USP42: variants seen among roughly 807,000 people sequenced by gnomAD.
The protein encoded by USP42 is ubiquitin specific peptidase 42.
A neutral mutation model predicts 113.0 loss-of-function variants in USP42; 23 were observed. The ratio of observed to expected loss-of-function variants is 0.20; its 90% CI spans 0.15 to 0.29. The LOEUF (loss-of-function observed/expected upper bound fraction) is 0.29, where lower values mean the gene tolerates loss of function less well. Ranked by LOEUF, USP42 falls within the 10% of genes least tolerant of loss-of-function variation. USP42 has a pLI of 1.00. For missense variants in USP42, 2,174 were observed against 1,779.8 expected, an observed-to-expected ratio of 1.22 and a Z score of -3.99; for synonymous variants, 933 against 699.0, an observed-to-expected ratio of 1.33 and a Z score of -5.28.
the USP42 span, among the ~76,000 whole-genome samples, chr7:6,092,038 C>CTTCTTCTTCTTCTTCT: frequency 9.6e-6 from 1 of 103,772 alleles, no homozygotes; most frequent in African/African-American, 3.6e-5. Context: ...TCTTCTTCTT[C>CTTCTTCTTCTTCTTCT]TTCTTCTTCT....
chr7:6,134,113 G>A (rs920378130), intron 3 of USP42, among the ~76,000 whole-genome samples: 1 of 151,864 alleles, frequency 6.6e-6, no homozygotes, highest in Non-Finnish European at 1.5e-5. Context: ...GGATCGTCTC[G>A]ATCTCCTGAC....
At chr7:6,104,689 C>T (rs2128471099), upstream of USP42, among the ~76,000 whole-genome samples, 1 of 152,312 alleles carries the variant, frequency 6.6e-6, no homozygotes, top group Admixed American at 6.5e-5. Flanking sequence ...ACCAGCCCAG[C>T]CAATCAGCGC....
intron 3 of USP42, among the ~76,000 whole-genome samples, chr7:6,123,636 C>A (rs1780360193): frequency 6.6e-6 from 1 of 151,878 alleles, no homozygotes; most frequent in Admixed American, 6.6e-5. Context: ...GCACTCCAGC[C>A]TGGGCGACAG....
In USP42 at chr7:6,157,150, T is replaced by C; in HGVS notation, c.3943+95T>C. 2.8e-6 allele frequency: 4 copies of C among 1,446,642 alleles called. No homozygotes were observed. Among genetic ancestry groups the C allele is most frequent in the Non-Finnish European group, 2.7e-6 (3 of 1,105,980 alleles). 89.6% of individuals were successfully genotyped at this position (1,446,642 alleles called of 1,614,324 possible). A position where few individuals can be genotyped will look rare whatever the true frequency, so the allele number is the denominator to read the frequency against. On this transcript the variant is annotated intron_variant, in intron 16 of 17. Coordinates refer to ENST00000306177, the MANE Select transcript of USP42 (RefSeq NM_032172.3). The surrounding 1 kb of genome is among the most constrained non-coding windows in gnomAD (Gnocchi z 4.1). ...TAACATGTAGAAAGAAAACCTCAGG[T>C]GGCATCAAAGGGCACAGTTACTCAG...
intron 3 of USP42, among the ~76,000 whole-genome samples, chr7:6,130,143 G>T (rs1195302186): frequency 6.6e-6 from 1 of 152,058 alleles, no homozygotes; most frequent in Non-Finnish European, 1.5e-5. Flanking sequence ...GAGCCCCCGC[G>T]CCTGGCCATG....
intron 3 of USP42, among the ~76,000 whole-genome samples, chr7:6,131,396 C>CT (rs944321431): frequency 2.0e-5 from 3 of 151,926 alleles, no homozygotes; most frequent in African/African-American, 7.3e-5. Flanking sequence ...TCACCTGAGC[C>CT]TTGGGAGGTA....
chr7:6,141,198 TTTC>T (rs1781410831), intron 7 of USP42, among the ~76,000 whole-genome samples: 1 of 150,152 alleles, frequency 6.7e-6, no homozygotes, highest in Non-Finnish European at 1.5e-5. Flanking sequence ...TTCTTTTTCT[TTTC>T]TTTTTTTTTT....
In USP42 at chr7:6,158,309, C is replaced by T. The variant is rs1583703707; in HGVS notation, c.3944-1141C>T. Reference sequence around the variant, plus strand: ...GCAAAGCGGAAAATGTTTATTATTGCCCCTTGACAGAAAGGGTTTGTCACC... The same window carrying T: ...GCAAAGCGGAAAATGTTTATTATTGTCCCTTGACAGAAAGGGTTTGTCACC... On this transcript the variant is annotated intron_variant, in intron 16 of 17. Transcript: ENST00000306177. This position sits in a 1 kb window ranked among gnomAD's most constrained non-coding sequence, Gnocchi z 4.2. Among the ~76,000 whole-genome samples the T allele has an allele frequency of 6.6e-6, 1 of 152,196 alleles. No homozygotes were observed. Among genetic ancestry groups the T allele is most frequent in the Non-Finnish European group, 1.5e-5 (1 of 68,024 alleles).
rs746080832 is a variant in USP42 at position 6,154,197 on chromosome 7, G to C, written c.2643G>C (p.Arg881=). The C allele has an allele frequency of 6.2e-6, 10 of 1,602,350 alleles. No homozygotes were observed. Among genetic ancestry groups the C allele is most frequent in the Admixed American group, 1.7e-5 (1 of 59,696 alleles). Residue 881 remains arginine, a synonymous_variant, in exon 15 of 18, where the codon CGG becomes CGC. Coordinates refer to ENST00000306177, the MANE Select transcript of USP42 (RefSeq NM_032172.3). ...TTCACCCCAGCGGGGACCACGCCCGGGACGCTCAGGACCCATCCCAGAGCT... is the reference window on the plus strand; with the variant it reads ...TTCACCCCAGCGGGGACCACGCCCGCGACGCTCAGGACCCATCCCAGAGCT... ...LLVHPSGDHA[R]DAQDPSQSLG... is the part of the protein sequence containing the mutation.
chr7:6,151,950 T>C (rs1041663315), intron 14 of USP42, among the ~76,000 whole-genome samples: 2 of 152,092 alleles, frequency 1.3e-5, no homozygotes, highest in Admixed American at 6.6e-5. Context: ...TTGTTGACCG[T>C]ATGTATGAGG....
the USP42 span, among the ~76,000 whole-genome samples, chr7:6,099,112 C>A: frequency 6.7e-6 from 1 of 149,754 alleles, no homozygotes; most frequent in African/African-American, 2.5e-5. Flanking sequence ...GGACTGTCTG[C>A]CCTCTGATTA....
intron 1 of USP42, among the ~76,000 whole-genome samples, chr7:6,107,409 C>CTTTT (rs774259719): frequency 7.6e-6 from 1 of 130,792 alleles, no homozygotes; most frequent in Non-Finnish European, 1.6e-5. Flanking sequence ...TCTTCCTTTT[C>CTTTT]TTTTTTTTTT....
chr7:6,146,331 G>T, intron 11 of USP42, 83 bp downstream of exon 11: 11 of 775,674 alleles, frequency 1.4e-5, no homozygotes, highest in East Asian at 3.1e-5. Context: ...TCAATATTCA[G>T]TGTTTTAAAA....
chr7:6,083,508 G>A, the USP42 span, among the ~76,000 whole-genome samples: 14 of 150,080 alleles, frequency 9.3e-5, no homozygotes, highest in South Asian at 1.0e-3. Context: ...TGCCCGCCTC[G>A]GCCTCCCAAA....
chr7:6,090,950 GA>G, the USP42 span, among the ~76,000 whole-genome samples: 8 of 150,546 alleles, frequency 5.3e-5, no homozygotes, highest in Non-Finnish European at 1.0e-4. Context: ...GTTCCAGGAA[GA>G]ATTTGTTAGG....
At chr7:6,107,687 G>A (rs1779368573) in intron 1 of USP42, among the ~76,000 whole-genome samples, 1 of 152,084 alleles carries the variant, frequency 6.6e-6, no homozygotes, top group Admixed American at 6.6e-5. Context: ...GGGATTACAG[G>A]TGTGAGCACC....
In USP42 at chr7:6,158,787, G is replaced by A. The variant is rs1782607943; in HGVS notation, c.3944-663G>A. Among the ~76,000 whole-genome samples the A allele has an allele frequency of 6.6e-6, 1 of 152,186 alleles. No individual in the cohort carries two copies. The highest frequency in any genetic ancestry group is 1.5e-5 in the Non-Finnish European group (1 of 68,042). Reference sequence around the variant, plus strand: ...CCGAGGATCCGAGGATGCAGTGGATGGGCTCATTCTGAGTGTGGTGCAGGC... The same window carrying A: ...CCGAGGATCCGAGGATGCAGTGGATAGGCTCATTCTGAGTGTGGTGCAGGC... On this transcript the variant is annotated intron_variant, in intron 16 of 17. Transcript: ENST00000306177. This position sits in a 1 kb window ranked among gnomAD's most constrained non-coding sequence, Gnocchi z 4.2.
the USP42 span, among the ~76,000 whole-genome samples, chr7:6,091,975 T>C: frequency 3.8e-5 from 5 of 132,392 alleles, no homozygotes; most frequent in South Asian, 2.4e-4. Context: ...CAAGGACGTA[T>C]TTTTTCTTCT....
At chr7:6,122,406 T>C (rs989620676) in intron 3 of USP42, among the ~76,000 whole-genome samples, 6 of 151,784 alleles carry the variant, frequency 4.0e-5, no homozygotes, top group Non-Finnish European at 8.8e-5. Flanking sequence ...CCACCTCACC[T>C]TCCCAAGTAG....
Sources: allele counts gnomAD v4.1 joint callset (sites outside exome capture counted in the v4.1 genomes callset), GRCh38; gene constraint gnomAD v4.1.1; non-coding constraint Gnocchi (gnomAD v3.1); transcripts MANE v1.5; gene names NCBI Gene and HGNC (gene_info 2026-07-23, HGNC 2026-07-21).